Variants in CYB5B observed in about 807,000 individuals in gnomAD.
CYB5B encodes the protein cytochrome b5 type B (outer mitochondrial membrane).
Under a neutral mutation model 21.3 loss-of-function variants are expected in CYB5B, and 14 were observed. The observed-to-expected ratio is 0.66, with a 90% CI of 0.43 to 1.03. CYB5B has a LOEUF of 1.03. Ranked by LOEUF, CYB5B falls within the 50% of genes least tolerant of loss-of-function variation. The pLI is 0.00. For missense variants in CYB5B, 166 were observed against 185.1 expected (o/e 0.90, Z 0.60); for synonymous variants, 69 against 68.4 (o/e 1.01, Z -0.04).
At chr16:69,441,189 T>C (rs936337765) in intron 1 of CYB5B, among the ~76,000 whole-genome samples, 2 of 150,914 alleles carry the variant, frequency 1.3e-5, no homozygotes, top group Non-Finnish European at 3.0e-5. Flanking sequence ...AGTCTTGCTC[T>C]GTTGCCCAGG....
At chr16:69,447,344 G>A in intron 2 of CYB5B, 66 bp downstream of exon 2, 4 of 1,566,520 alleles carry the variant, frequency 2.6e-6, no homozygotes. Context: ...AGAACAGGAT[G>A]AAGAAATGAA....
intron 1 of CYB5B, among the ~76,000 whole-genome samples, chr16:69,437,547 T>C (rs996842599): frequency 9.2e-5 from 14 of 152,138 alleles, no homozygotes; most frequent in African/African-American, 3.1e-4. Context: ...CAAAAGCACA[T>C]TTTTAGTTTA....
At chr16:69,458,051 T>TAGC (rs1657319540) in intron 3 of CYB5B, among the ~76,000 whole-genome samples, 1 of 152,222 alleles carries the variant, frequency 6.6e-6, no homozygotes, top group South Asian at 2.1e-4. Flanking sequence ...GGCAGTAAGT[T>TAGC]AGCAGGCCTT....
At chr16:69,430,428 C>T (rs947923314) in intron 1 of CYB5B, among the ~76,000 whole-genome samples, 2 of 152,018 alleles carry the variant, frequency 1.3e-5, no homozygotes, top group African/African-American at 4.8e-5. Context: ...ATCATGTTGC[C>T]CAGGCTGGCC....
chr16:69,445,229 A>T (rs11859839), intron 1 of CYB5B, among the ~76,000 whole-genome samples: 26,391 of 152,222 alleles, frequency 0.17, 2,409 homozygotes, highest in Middle Eastern at 0.25. Context: ...CACATATAAT[A>T]ACCTGAGAGT....
Position 69,462,481 on chromosome 16 carries a change from C to A in CYB5B, c.414C>A (p.Phe138Leu), listed in dbSNP as rs779109350. Residue 138 changes from phenylalanine to leucine, a missense_variant, in exon 5 of 5, where the codon TTC (phenylalanine) becomes TTA (leucine). Transcript: ENST00000307892. ...TCATAGGCGCTGTTCTCTTAGGTTTCCTGTACCGCTACTACACATCGGAAA... is the reference window on the plus strand; with the variant it reads ...TCATAGGCGCTGTTCTCTTAGGTTTACTGTACCGCTACTACACATCGGAAA... ...LPIIGAVLLG[F>L]LYRYYTSESK... is the part of the protein sequence containing the mutation. The A allele has an allele frequency of 4.3e-6, 7 of 1,614,142 alleles. No individual in the cohort carries two copies. The highest frequency in any genetic ancestry group is 5.9e-6 in the Non-Finnish European group (7 of 1,180,008).
intron 3 of CYB5B, among the ~76,000 whole-genome samples, chr16:69,454,846 A>C (rs2014967798): frequency 1.3e-5 from 2 of 152,192 alleles, no homozygotes; most frequent in Non-Finnish European, 2.9e-5. Flanking sequence ...CCTAAATGTA[A>C]GCTGTATAGG....
chr16:69,465,860 G>A lies in CYB5B; in HGVS notation c.*3340G>A, dbSNP rs2015084672. 1 of 152,220 alleles carries A rather than the reference G, an allele frequency of 6.6e-6. No homozygotes were observed. Among genetic ancestry groups the A allele is most frequent in the African/African-American group, 2.4e-5 (1 of 41,418 alleles). The allele number at this position is 152,220 out of a possible 1,614,324, so 9.4% of individuals were successfully genotyped here. A position where few individuals can be genotyped will look rare whatever the true frequency, so the allele number is the denominator to read the frequency against. On this transcript the variant is annotated 3_prime_UTR_variant, in exon 5 of 5. Coordinates refer to ENST00000307892, the MANE Select transcript of CYB5B (RefSeq NM_030579.3). ...TTGCCAAATATCACAGAAGTAATGAGGAGTTTAGTTACATTTGGCTGTTGT... is the reference window on the plus strand; with the variant it reads ...TTGCCAAATATCACAGAAGTAATGAAGAGTTTAGTTACATTTGGCTGTTGT...
chr16:69,427,910 C>T (rs554631879), intron 1 of CYB5B, among the ~76,000 whole-genome samples: 115 of 151,328 alleles, frequency 7.6e-4, no homozygotes, highest in South Asian at 2.3e-3. Context: ...GCAGGAGAAT[C>T]GCTTGAACCC....
intron 1 of CYB5B, among the ~76,000 whole-genome samples, chr16:69,426,450 TA>T (rs1385031709): frequency 6.6e-6 from 1 of 150,464 alleles, no homozygotes; most frequent in Non-Finnish European, 1.5e-5. Flanking sequence ...CTCACGCCTG[TA>T]ATCCCAGCAC....
intron 3 of CYB5B, among the ~76,000 whole-genome samples, chr16:69,456,541 G>C (rs2142826642): frequency 6.6e-6 from 1 of 152,294 alleles, no homozygotes; most frequent in East Asian, 1.9e-4. Flanking sequence ...TAGGGGTTAT[G>C]CTGGAAGAAC....
intron 1 of CYB5B, among the ~76,000 whole-genome samples, chr16:69,438,299 C>CT (rs1248798516): frequency 6.6e-6 from 1 of 152,110 alleles, no homozygotes; most frequent in Non-Finnish European, 1.5e-5. Flanking sequence ...ATCTATTCAT[C>CT]TGTTTATAGG....
chr16:69,454,916 CAG>C (rs991102279), intron 3 of CYB5B, among the ~76,000 whole-genome samples: 93 of 152,194 alleles, frequency 6.1e-4, no homozygotes, highest in African/African-American at 2.2e-3. Flanking sequence ...GTTTTTGAGA[CAG>C]AGTGTCACTC....
rs1597284102 is a variant in CYB5B at position 69,447,032 on chromosome 16, T to C, written c.175-118T>C. 22 of 1,230,056 alleles carry C rather than the reference T, an allele frequency of 1.8e-5. No homozygotes were observed. The East Asian group carries it at 3.8e-4, about 21-fold the overall frequency. The allele number at this position is 1,230,056 out of a possible 1,614,324, so 76.2% of individuals were successfully genotyped here. ...TTGCATCCTGTCAGGCACCACACAA[T>C]GTCAATTTGTTCCATTATTTCTATT... On this transcript the variant is annotated intron_variant, in intron 1 of 4. Transcript: ENST00000307892.
At chr16:69,433,992 G>A (rs1297956761) in intron 1 of CYB5B, among the ~76,000 whole-genome samples, 1 of 152,162 alleles carries the variant, frequency 6.6e-6, no homozygotes, top group East Asian at 1.9e-4. Context: ...TAGAAAAGGT[G>A]CAATAAAAAT....
intron 1 of CYB5B, among the ~76,000 whole-genome samples, chr16:69,427,731 C>T (rs1474455421): frequency 1.3e-5 from 2 of 152,048 alleles, no homozygotes; most frequent in African/African-American, 4.8e-5. Context: ...GGTGTGGGCT[C>T]ATACCTGTAA....
chr16:69,464,546 GAAAGGGAACAT>G lies in CYB5B; in HGVS notation c.*2027_*2037del, dbSNP rs2015068337. 1 of 152,230 alleles carries G rather than the reference GAAAGGGAACAT, an allele frequency of 6.6e-6. No homozygotes were observed. 9.4% of individuals were successfully genotyped at this position (152,230 alleles called of 1,614,324 possible). ...AGAACAGAGGAGTATTGAGGAGCTTGAAAGGGAACATTCAAACTAAAGCCAAGCCTGAAGAT... is the reference window on the plus strand; with the variant it reads ...AGAACAGAGGAGTATTGAGGAGCTTGTCAAACTAAAGCCAAGCCTGAAGAT... On this transcript the variant is annotated 3_prime_UTR_variant, in exon 5 of 5. Transcript: ENST00000307892.
At chr16:69,437,331 T>C (rs2014771025) in intron 1 of CYB5B, among the ~76,000 whole-genome samples, 1 of 152,150 alleles carries the variant, frequency 6.6e-6, no homozygotes, top group African/African-American at 2.4e-5. Flanking sequence ...TGGAAGAATG[T>C]TTTTTTGCAA....
intron 2 of CYB5B, 72 bp from the exon 3 acceptor site, chr16:69,448,043 T>C: frequency 6.6e-7 from 1 of 1,510,302 alleles, no homozygotes; most frequent in African/African-American, 1.4e-5. Flanking sequence ...GTTCCAAAGT[T>C]AGAAACAAGC....
Sources: gnomAD v4.1 joint callset for allele counts (sites outside exome capture counted in the v4.1 genomes callset) on GRCh38, gnomAD v4.1.1 for gene constraint, MANE v1.5 for transcripts, NCBI Gene and HGNC (gene_info 2026-07-23, HGNC 2026-07-21) for gene names.